GRIN2A: variants seen among roughly 807,000 people sequenced by gnomAD.
GRIN2A encodes glutamate receptor ionotropic, NMDA 2A.
In GRIN2A, 22 loss-of-function variants were observed where a neutral mutation model predicts 113.4. The ratio of observed to expected loss-of-function variants is 0.19; its 90% CI spans 0.14 to 0.28. The LOEUF (loss-of-function observed/expected upper bound fraction) is 0.28, where lower values mean the gene tolerates loss of function less well. Among genes scored for constraint, GRIN2A ranks in the 10% least tolerant of loss-of-function variants. The pLI, the probability that GRIN2A is intolerant of heterozygous loss-of-function variation, is 1.00. For missense variants in GRIN2A, 1,502 were observed against 1,887.0 expected (o/e 0.80, Z 3.78); for synonymous variants, 827 against 738.4 (o/e 1.12, Z -1.94).
At chr16:9,816,922 T>A (rs2042197383) in intron 10 of GRIN2A, among the ~76,000 whole-genome samples, 1 of 152,204 alleles carries the variant, frequency 6.6e-6, no homozygotes, top group Non-Finnish European at 1.5e-5. Context: ...CTGACGCTCA[T>A]CCACCTTTGG....
At chr16:10,120,658 A>T (rs562578068) in intron 2 of GRIN2A, among the ~76,000 whole-genome samples, 1 of 152,160 alleles carries the variant, frequency 6.6e-6, no homozygotes, top group Non-Finnish European at 1.5e-5. Flanking sequence ...CTCCACATTA[A>T]AACACACAGG....
chr16:9,959,395 A>T (rs2045382551), intron 2 of GRIN2A, among the ~76,000 whole-genome samples: 1 of 152,122 alleles, frequency 6.6e-6, no homozygotes, highest in Admixed American at 6.5e-5. Context: ...ATGTCTCCCC[A>T]TAGGAGCTCA....
In GRIN2A at chr16:10,180,257, C is replaced by G; in HGVS notation, c.155G>C (p.Arg52Pro). Residue 52 changes from arginine to proline, a missense_variant, in exon 2 of 13, where the codon CGA (arginine) becomes CCA (proline). Arg to Pro is a moderately radical substitution (Grantham distance 103). Coordinates refer to ENST00000330684, the MANE Select transcript of GRIN2A (RefSeq NM_001134407.3). This position sits in a 1 kb window ranked among gnomAD's most constrained non-coding sequence, Gnocchi z 7.0. Reference protein sequence around the residue: ...HSHDVTERELRTLWGPEQAAG... With the variant: ...HSHDVTERELPTLWGPEQAAG... ...CGCCTGCTCGGGGCCCCACAGTGTT[C>G]GAAGTTCGCGCTCTGTCACGTCGTG... The G allele has an allele frequency of 6.2e-7, 1 of 1,613,878 alleles. No individual in the cohort carries two copies. Among genetic ancestry groups the G allele is most frequent in the Non-Finnish European group, 8.5e-7 (1 of 1,180,002 alleles).
chr16:10,154,565 C>T (rs768815042), intron 2 of GRIN2A, among the ~76,000 whole-genome samples: 2 of 152,218 alleles, frequency 1.3e-5, no homozygotes, highest in Non-Finnish European at 2.9e-5. Flanking sequence ...GTAGAGGAGG[C>T]TCAGTACATG....
intron 9 of GRIN2A, among the ~76,000 whole-genome samples, chr16:9,825,037 G>A (rs1351383781): frequency 6.6e-6 from 1 of 152,122 alleles, no homozygotes; most frequent in Non-Finnish European, 1.5e-5. Flanking sequence ...TAGGACAGAG[G>A]TCTCCATTGT....
intron 3 of GRIN2A, among the ~76,000 whole-genome samples, chr16:9,897,115 C>T (rs930884133): frequency 9.9e-5 from 15 of 151,616 alleles, no homozygotes; most frequent in Non-Finnish European, 1.6e-4. Flanking sequence ...TTTGCCAAGA[C>T]GACTTCTGTG....
chr16:9,923,590 G>C (rs2044397813), intron 3 of GRIN2A, among the ~76,000 whole-genome samples: 1 of 151,688 alleles, frequency 6.6e-6, no homozygotes, highest in Non-Finnish European at 1.5e-5. Context: ...TTTAATGTTA[G>C]TGGTTTGTTT....
chr16:10,103,659 T>C (rs895930012), intron 2 of GRIN2A, among the ~76,000 whole-genome samples: 2 of 152,160 alleles, frequency 1.3e-5, no homozygotes, highest in Non-Finnish European at 2.9e-5. Flanking sequence ...AGAGTCCATA[T>C]GTATGCCGGA....
chr16:9,928,652 C>A (rs1160632940), intron 3 of GRIN2A, among the ~76,000 whole-genome samples: 1 of 152,024 alleles, frequency 6.6e-6, no homozygotes, highest in Admixed American at 6.6e-5. Context: ...AGCTCTATCA[C>A]CTCCTCATCT....
At chr16:9,922,330 A>C (rs1229210019) in intron 3 of GRIN2A, among the ~76,000 whole-genome samples, 1 of 152,124 alleles carries the variant, frequency 6.6e-6, no homozygotes, top group Non-Finnish European at 1.5e-5. Context: ...AAAAAGGAGA[A>C]TCAGAAAAGT....
chr16:10,070,748 G>A (rs1241888574), intron 2 of GRIN2A, among the ~76,000 whole-genome samples: 1 of 152,174 alleles, frequency 6.6e-6, no homozygotes, highest in Non-Finnish European at 1.5e-5. Flanking sequence ...TTGCAAACTG[G>A]CTATGAATTG....
intron 2 of GRIN2A, among the ~76,000 whole-genome samples, chr16:9,972,251 T>C (rs1211306476): frequency 1.3e-5 from 2 of 152,168 alleles, no homozygotes; most frequent in Non-Finnish European, 2.9e-5. Flanking sequence ...ACCAGGTTAG[T>C]TACCTGCTAA....
chr16:9,854,992 T>TTG (rs3831730), intron 4 of GRIN2A, among the ~76,000 whole-genome samples: 28,027 of 147,468 alleles, frequency 0.19, 2,742 homozygotes, highest in South Asian at 0.31. Context: ...GCAAGCACGC[T>TTG]TGTGTGTGTG....
At chr16:10,090,681 A>G (rs1315416188) in intron 2 of GRIN2A, among the ~76,000 whole-genome samples, 1 of 152,212 alleles carries the variant, frequency 6.6e-6, no homozygotes, top group Non-Finnish European at 1.5e-5. Context: ...TAAATGAAAA[A>G]ATAGGCAAAT....
At chr16:10,085,161 T>A (rs1428560482) in intron 2 of GRIN2A, among the ~76,000 whole-genome samples, 3 of 152,168 alleles carry the variant, frequency 2.0e-5, no homozygotes. Context: ...AACACGAGGT[T>A]CATGCATCTA....
chr16:10,025,474 C>CT (rs1027542701), intron 2 of GRIN2A, among the ~76,000 whole-genome samples: 6 of 151,310 alleles, frequency 4.0e-5, no homozygotes, highest in Admixed American at 6.6e-5. Context: ...ACTATTTTTT[C>CT]TTTTTTTTGG....
chr16:9,880,069 G>A (rs2043446728), intron 4 of GRIN2A, among the ~76,000 whole-genome samples: 1 of 152,160 alleles, frequency 6.6e-6, no homozygotes. Flanking sequence ...CAGGTCAGAA[G>A]TCCCAGCGGG....
At chr16:9,820,894 T>A (rs2042269753) in intron 10 of GRIN2A, among the ~76,000 whole-genome samples, 2 of 152,216 alleles carry the variant, frequency 1.3e-5, no homozygotes, top group South Asian at 4.1e-4. Context: ...ATGAGCACTG[T>A]GGGAATGAGT....
intron 5 of GRIN2A, among the ~76,000 whole-genome samples, chr16:9,847,514 G>A (rs967374640): frequency 6.6e-6 from 1 of 151,912 alleles, no homozygotes; most frequent in Admixed American, 6.6e-5. Flanking sequence ...GCAGTGAGCC[G>A]TGATCACACC....
Sources: allele counts gnomAD v4.1 joint callset (sites outside exome capture counted in the v4.1 genomes callset), GRCh38; gene constraint gnomAD v4.1.1; non-coding constraint Gnocchi (gnomAD v3.1); transcripts MANE v1.5; gene names NCBI Gene and HGNC (gene_info 2026-07-23, HGNC 2026-07-21).